The following GATA2 variants were observed in gnomAD, a reference collection of about 807,000 sequenced individuals.
GATA2 encodes the protein endothelial transcription factor GATA-2.
In GATA2, 6 loss-of-function variants were observed where a neutral mutation model predicts 35.7. That is an observed-to-expected ratio of 0.17 (90% confidence interval 0.09 to 0.33). The LOEUF (loss-of-function observed/expected upper bound fraction) is 0.33. Among genes scored for constraint, GATA2 ranks in the 10% least tolerant of loss-of-function variants. GATA2 has a pLI of 1.00. For missense variants in GATA2, 541 were observed against 656.6 expected, an observed-to-expected ratio of 0.82 and a Z score of 1.92; for synonymous variants, 313 against 274.9, an observed-to-expected ratio of 1.14 and a Z score of -1.37.
Position 128,488,995 on chromosome 3 carries a change from C to G in GATA2, c.-45-1919G>C, listed in dbSNP as rs2068741363. On this transcript the variant is annotated intron_variant, in intron 1 of 5. Coordinates refer to ENST00000341105, the MANE Select transcript of GATA2 (RefSeq NM_032638.5). The surrounding 1 kb of genome is among the most constrained non-coding windows in gnomAD (Gnocchi z 5.8). ...CAACAGCGTCCTCCAGCCCTCTTCC[C>G]TGTTGGGCCCGAGGCTCCCGGGGTA... Among the ~76,000 whole-genome samples the G allele has an allele frequency of 6.6e-6, 1 of 152,100 alleles. No individual in the cohort carries two copies.
Position 128,481,805 on chromosome 3 carries a change from C to A in GATA2, c.1143+14G>T. ...CCTGGGAGGGGCGGGGTGGCCGGGG[C>A]GGGGCGCACTCACATTGTGCAGCTT... On this transcript the variant is annotated intron_variant, in intron 5 of 5. Transcript: ENST00000341105. 6.2e-7 allele frequency: 1 copy of A among 1,609,448 alleles called. No individual in the cohort carries two copies. Among genetic ancestry groups the A allele is most frequent in the Non-Finnish European group, 8.5e-7 (1 of 1,177,480 alleles).
rs2068731315 is a variant in GATA2 at position 128,488,138 on chromosome 3, GGGACCCTCACCCCAA to G, written c.-45-1077_-45-1063del. 6.6e-6 allele frequency among the ~76,000 whole-genome samples: 1 copy of G among 152,082 alleles called. No individual in the cohort carries two copies. The highest frequency in any genetic ancestry group is 1.5e-5 in the Non-Finnish European group (1 of 67,998). ...TGCTGCCAACGCGCCCCACCACTAA[GGGACCCTCACCCCAA>G]GGCCCGACCCCTGCAGCCCCTCTTG... On this transcript the variant is annotated intron_variant, in intron 1 of 5. Transcript: ENST00000341105. The surrounding 1 kb of genome is among the most constrained non-coding windows in gnomAD (Gnocchi z 5.8).
intron 4 of GATA2, among the ~76,000 whole-genome samples, 173 bp downstream of exon 4, chr3:128,483,687 G>C (rs1013919628): frequency 2.0e-5 from 3 of 152,188 alleles, no homozygotes; most frequent in Non-Finnish European, 4.4e-5. Flanking sequence ...AATCTGGCCC[G>C]AAAGAATCTG....
At chr3:128,481,634 C>A (rs753645622) in intron 5 of GATA2, among the ~76,000 whole-genome samples, 185 bp downstream of exon 5, 1 of 152,186 alleles carries the variant, frequency 6.6e-6, no homozygotes, top group South Asian at 2.1e-4. Flanking sequence ...CCTGTCCTAG[C>A]CAGCTCCACC....
rs2107672172 is a variant in GATA2, at chr3:128,485,920, G to A, written c.678C>T (p.Gly226=). 1 of 1,614,170 alleles carries A rather than the reference G, an allele frequency of 6.2e-7. No individual in the cohort carries two copies. The highest frequency in any genetic ancestry group is 8.5e-7 in the Non-Finnish European group (1 of 1,180,018). ...TAGCTAGGCCTGGGCGCAGGGGACT[G>A]CCACTTTCCATCTTCATGCTCTCCG... ...SLTESMKMES[G]SPLRPGLATM... is the part of the protein sequence containing the mutation. Residue 226 remains glycine, a synonymous_variant, in exon 3 of 6, where the codon GGC becomes GGT. Coordinates refer to ENST00000341105, the MANE Select transcript of GATA2 (RefSeq NM_032638.5).
intron 2 of GATA2, 67 bp downstream of exon 2, chr3:128,486,736 G>C: frequency 7.0e-7 from 1 of 1,421,468 alleles, no homozygotes; most frequent in Middle Eastern, 2.1e-4. Context: ...AAGCAGACGG[G>C]CCCTCCTCCC....
Position 128,483,181 on chromosome 3 carries a change from C to A in GATA2, c.1017+679G>T, listed in dbSNP as rs2068652563. Among the ~76,000 whole-genome samples the A allele has an allele frequency of 6.6e-6, 1 of 152,212 alleles. No individual in the cohort carries two copies. The highest frequency in any genetic ancestry group is 6.5e-5 in the Admixed American group (1 of 15,284). ...GCCCTGAAAAAATATATTTATTATTCTTAGCATTTTACGCATTATTTGCAG... is the reference window on the plus strand; with the variant it reads ...GCCCTGAAAAAATATATTTATTATTATTAGCATTTTACGCATTATTTGCAG... On this transcript the variant is annotated intron_variant, in intron 4 of 5. Transcript: ENST00000341105.
In GATA2 at chr3:128,486,992, G is replaced by A. The variant is rs749214277; in HGVS notation, c.40C>T (p.Pro14Ser). Residue 14 changes from proline (P) to serine (S), a missense_variant, in exon 2 of 6, where the codon CCG becomes TCG. Physicochemically the swap from Pro to Ser is moderately conservative, Grantham distance 74 (BLOSUM62 -1). Coordinates refer to ENST00000341105, the MANE Select transcript of GATA2 (RefSeq NM_032638.5). ...APEQPRWMAH[P>S]AVLNAQHPDS... ...GGGTGCTGCGCATTCAGCACGGCCG[G>A]GTGCGCCATCCAGCGCGGCTGCTCG... 3.0e-5 allele frequency: 48 copies of A among 1,606,562 alleles called. 2 individuals carry two copies. The highest frequency in any genetic ancestry group is 2.0e-4 in the South Asian group (18 of 90,066).
Position 128,480,526 on chromosome 3 carries a change from G to A in GATA2, c.*493C>T, listed in dbSNP as rs906112473. ...GCCTGGAGTTCGGCTATTTCAGAGA[G>A]GGAAGCCAGAGGAGAAGAGGGTGCA... On this transcript the variant is annotated 3_prime_UTR_variant, in exon 6 of 6. Coordinates refer to ENST00000341105, the MANE Select transcript of GATA2 (RefSeq NM_032638.5). The A allele has an allele frequency of 2.0e-5, 5 of 248,860 alleles. No homozygotes were observed. The highest frequency in any genetic ancestry group is 1.7e-4 in the South Asian group (1 of 5,734). 15.4% of individuals were successfully genotyped at this position (248,860 alleles called of 1,614,324 possible).
chr3:128,486,922 G>T lies in GATA2; in HGVS notation c.110C>A (p.Ala37Glu). ...CACCTCGTCTGGAGGCAGCAGCTGC[G>T]CGGGTTCCATGTAGTTGTGCGCCAG... Reference protein sequence around the residue: ...PGLAHNYMEPAQLLPPDEVDV... With the variant: ...PGLAHNYMEPEQLLPPDEVDV... The change falls in exon 2 of 6, where the codon GCG (alanine) becomes GAG (glutamate). Residue 37 changes from alanine (A) to glutamate (E), a missense_variant. Around this residue, in one of 5 missense-constraint regions of GATA2, gnomAD observed 389 missense variants for 396.9 expected, o/e 0.98. Coordinates refer to ENST00000341105, the MANE Select transcript of GATA2 (RefSeq NM_032638.5). 1 of 1,612,980 alleles carries T rather than the reference G, an allele frequency of 6.2e-7. No homozygotes were observed. Among genetic ancestry groups the T allele is most frequent in the Admixed American group, 1.7e-5 (1 of 59,938 alleles).
At position 128,486,013 on chromosome 3, in the gene GATA2, T is replaced by G. The variant is rs775218466; in HGVS notation, c.585A>C (p.Ser195=). 1.2e-6 allele frequency: 2 copies of G among 1,614,112 alleles called. No homozygotes were observed. The highest frequency in any genetic ancestry group is 2.2e-5 in the South Asian group (2 of 91,084). The part of the protein sequence containing the change: ...PSTTGAASPA[S]SSAGGSAARG... ...GGGCTGCACTACCCCCCGCGGAAGA[T>G]GAGGCTGGAGACGCAGCCCCCGTGG... The change falls in exon 3 of 6, where the codon TCA becomes TCC. Residue 195 remains serine, a synonymous_variant. Coordinates refer to ENST00000341105, the MANE Select transcript of GATA2 (RefSeq NM_032638.5).
intron 1 of GATA2, chr3:128,489,663 C>T (rs2068749217): frequency 6.6e-6 from 1 of 152,128 alleles, no homozygotes; most frequent in African/African-American, 2.4e-5. Flanking sequence ...CGCGGCCAGG[C>T]CGGGCAGGTG....
At chr3:128,487,238 G>A (rs1231302538) in intron 1 of GATA2, among the ~76,000 whole-genome samples, 162 bp from the exon 2 acceptor site, 1 of 152,220 alleles carries the variant, frequency 6.6e-6, no homozygotes, top group African/African-American at 2.4e-5. Flanking sequence ...CGAAAGGAAG[G>A]CGGGGGAGGG....
rs1286155488 is a variant in GATA2 at position 128,486,187 on chromosome 3, T to C, written c.411A>G (p.Pro137=). Reference sequence around the variant, plus strand: ...CCCCAGCCCCTGGGTACACAGAGAGTGGGCCTCCAGGGCCTCCAGCAGCTG... The same window carrying C: ...CCCCAGCCCCTGGGTACACAGAGAGCGGGCCTCCAGGGCCTCCAGCAGCTG... ...HPSAAGGPGG[P]LSVYPGAGGG... The change falls in exon 3 of 6, where the codon CCA becomes CCG. Residue 137 remains proline (P), a synonymous_variant. Transcript: ENST00000341105. 2.6e-6 allele frequency: 4 copies of C among 1,562,720 alleles called. No individual in the cohort carries two copies. Among genetic ancestry groups the C allele is most frequent in the South Asian group, 2.3e-5 (2 of 85,320 alleles).
chr3:128,492,834 CAGGCGGGCCGGGCCGG>C (rs1331743990), intron 1 of GATA2, 49 bp downstream of exon 1: 2 of 152,474 alleles, frequency 1.3e-5, no homozygotes, highest in Non-Finnish European at 2.9e-5. Context: ...ATTCGGGTGC[CAGGCGGGCCGGGCCGG>C]GGGCGGGAAG....
chr3:128,481,807 G>T lies in GATA2; in HGVS notation c.1143+12C>A. 1 of 1,611,264 alleles carries T rather than the reference G, an allele frequency of 6.2e-7. No individual in the cohort carries two copies. The highest frequency in any genetic ancestry group is 8.5e-7 in the Non-Finnish European group (1 of 1,178,518). ...TGGGAGGGGCGGGGTGGCCGGGGCG[G>T]GGCGCACTCACATTGTGCAGCTTGT... On this transcript the variant is annotated intron_variant, in intron 5 of 5. Transcript: ENST00000341105.
rs1031893383 is a variant in GATA2, at chr3:128,492,436, G to T, written c.-46+463C>A. ...CCAGTCACACAGGATAAAGGGCTGC[G>T]GGGCGCAGCGCGCGGGGGCGCAAGC... On this transcript the variant is annotated intron_variant, in intron 1 of 5. Transcript: ENST00000341105. Among the ~76,000 whole-genome samples, 5 of 152,244 alleles carry T rather than the reference G, an allele frequency of 3.3e-5. No individual in the cohort carries two copies. The South Asian group carries it at 6.2e-4, about 19-fold the overall frequency.
Position 128,479,818 on chromosome 3 carries a change from C to G in GATA2, c.*1201G>C, listed in dbSNP as rs992939743. The G allele has an allele frequency of 4.3e-6, 1 of 233,378 alleles. No homozygotes were observed. Among genetic ancestry groups the G allele is most frequent in the East Asian group, 6.0e-5 (1 of 16,566 alleles). 14.5% of individuals were successfully genotyped at this position (233,378 alleles called of 1,614,324 possible). A position where few individuals can be genotyped will look rare whatever the true frequency, so the allele number is the denominator to read the frequency against. The stretch of plus-strand genomic sequence containing the variant: ...AGCTGTACCTTGGGAAGGATCCAGA[C>G]AGCCACAGTAAAGCTGGACCTGAGA... On this transcript the variant is annotated 3_prime_UTR_variant, in exon 6 of 6. Coordinates refer to ENST00000341105, the MANE Select transcript of GATA2 (RefSeq NM_032638.5).
Position 128,488,454 on chromosome 3 carries a change from AG to A in GATA2, c.-45-1379del. On this transcript the variant is annotated intron_variant, in intron 1 of 5. Coordinates refer to ENST00000341105, the MANE Select transcript of GATA2 (RefSeq NM_032638.5). This position sits in a 1 kb window ranked among gnomAD's most constrained non-coding sequence, Gnocchi z 5.8. ...ACAGCAGGAGCCGAGAGGGGCAGAG[AG>A]GGGCAGGAACTACAGGGCTCTAGAG... The A allele has an allele frequency of 6.5e-6, 1 of 152,860 alleles. No individual in the cohort carries two copies. Among genetic ancestry groups the A allele is most frequent in the Non-Finnish European group, 1.5e-5 (1 of 68,568 alleles). The allele number at this position is 152,860 out of a possible 1,614,324, so 9.5% of individuals were successfully genotyped here. A position where few individuals can be genotyped will look rare whatever the true frequency, so the allele number is the denominator to read the frequency against.
Sources: gnomAD v4.1 joint callset for allele counts (sites outside exome capture counted in the v4.1 genomes callset) on GRCh38, gnomAD v4.1.1 for gene constraint, gnomAD v4.1.1 regional missense constraint, Gnocchi (gnomAD v3.1) non-coding constraint, MANE v1.5 for transcripts, NCBI Gene and HGNC (gene_info 2026-07-23, HGNC 2026-07-21) for gene names.